SPPL3: variants seen among roughly 807,000 people sequenced by gnomAD.
SPPL3 encodes the protein signal peptide peptidase-like 3.
Under a neutral mutation model 42.4 loss-of-function variants are expected in SPPL3, and 5 were observed. The ratio of observed to expected loss-of-function variants is 0.12; its 90% CI spans 0.06 to 0.25. SPPL3 has a LOEUF of 0.25. SPPL3 is among the 10% of genes least tolerant of loss of function. SPPL3 has a pLI of 1.00. For missense variants in SPPL3, 235 were observed against 489.0 expected, an observed-to-expected ratio of 0.48 and a Z score of 4.90; for synonymous variants, 195 against 181.8, an observed-to-expected ratio of 1.07 and a Z score of -0.58.
intron 6 of SPPL3, among the ~76,000 whole-genome samples, chr12:120,782,435 G>C (rs1869575957): frequency 6.6e-6 from 1 of 152,070 alleles, no homozygotes; most frequent in Non-Finnish European, 1.5e-5. Flanking sequence ...AAAATGTCCA[G>C]AATGGAGAAA....
intron 1 of SPPL3, among the ~76,000 whole-genome samples, chr12:120,900,827 CAGG>C (rs1161223776): frequency 6.7e-6 from 1 of 149,240 alleles, no homozygotes; most frequent in African/African-American, 2.5e-5. Flanking sequence ...AGGGCTGAGG[CAGG>C]AGAATTGTCT....
chr12:120,815,419 A>G (rs1038365184), intron 1 of SPPL3, among the ~76,000 whole-genome samples: 2 of 152,244 alleles, frequency 1.3e-5, no homozygotes, highest in African/African-American at 2.4e-5. Context: ...ATTAAAGGTC[A>G]GCAGGTATTT....
chr12:120,881,906 GGA>G (rs1240294192), intron 1 of SPPL3, among the ~76,000 whole-genome samples: 7 of 152,034 alleles, frequency 4.6e-5, no homozygotes, highest in Admixed American at 4.6e-4. Flanking sequence ...CAGGGTGTGG[GGA>G]GAGAGGGGAA....
chr12:120,853,220 T>A (rs896435541), intron 1 of SPPL3, among the ~76,000 whole-genome samples: 6 of 152,140 alleles, frequency 3.9e-5, no homozygotes, highest in African/African-American at 1.4e-4. Flanking sequence ...TTTACCATCA[T>A]CTTATCTGCT....
At chr12:120,797,277 G>C (rs1397175815) in intron 2 of SPPL3, among the ~76,000 whole-genome samples, 2 of 151,794 alleles carry the variant, frequency 1.3e-5, no homozygotes, top group South Asian at 2.1e-4. Context: ...TTTGTACTCT[G>C]TTCTATTAAC....
intron 1 of SPPL3, among the ~76,000 whole-genome samples, chr12:120,861,970 T>C (rs913637399): frequency 6.6e-6 from 1 of 152,144 alleles, no homozygotes; most frequent in Non-Finnish European, 1.5e-5. Context: ...CTTGAAGGTA[T>C]TAAGATTCCA....
intron 1 of SPPL3, among the ~76,000 whole-genome samples, chr12:120,819,987 T>C (rs1347391749): frequency 2.0e-5 from 3 of 152,108 alleles, no homozygotes; most frequent in South Asian, 4.1e-4. Context: ...GTAATGTTAG[T>C]AGTACTATGA....
intron 1 of SPPL3, among the ~76,000 whole-genome samples, chr12:120,816,229 A>G (rs1461315683): frequency 4.6e-5 from 7 of 152,212 alleles, no homozygotes; most frequent in Non-Finnish European, 8.8e-5. Flanking sequence ...CCCCCACTGC[A>G]GAACTAAATG....
chr12:120,766,399 GAC>G, intron 9 of SPPL3, 27 bp from the exon 10 acceptor site: 10 of 1,543,812 alleles, frequency 6.5e-6, no homozygotes, highest in Non-Finnish European at 8.8e-6. Context: ...GCATCTGTGA[GAC>G]ACGAGAGGGA....
chr12:120,853,983 TACAC>T (rs58246859), intron 1 of SPPL3, among the ~76,000 whole-genome samples: 35,203 of 129,930 alleles, frequency 0.27, 4,974 homozygotes, highest in Non-Finnish European at 0.32. Context: ...CACGCACACA[TACAC>T]ACACACACAC....
At chr12:120,772,634 A>C (rs774080808) in intron 6 of SPPL3, among the ~76,000 whole-genome samples, 4 of 152,200 alleles carry the variant, frequency 2.6e-5, no homozygotes, top group African/African-American at 4.8e-5. Flanking sequence ...ACTGGTGGTA[A>C]ATTGTCAATA....
intron 1 of SPPL3, among the ~76,000 whole-genome samples, chr12:120,865,254 T>C (rs1872724155): frequency 6.6e-6 from 1 of 152,212 alleles, no homozygotes; most frequent in Non-Finnish European, 1.5e-5. Context: ...GTTTCATGTC[T>C]TACCATATCT....
chr12:120,813,056 A>G (rs1365569170), intron 1 of SPPL3, among the ~76,000 whole-genome samples: 1 of 152,146 alleles, frequency 6.6e-6, no homozygotes, highest in East Asian at 1.9e-4. Flanking sequence ...TGAAGACAGT[A>G]TTTTGAAAAG....
chr12:120,767,597 G>T lies in SPPL3; in HGVS notation c.774-4C>A. 1 of 1,613,938 alleles carries T rather than the reference G, an allele frequency of 6.2e-7. No individual in the cohort carries two copies. Among genetic ancestry groups the T allele is most frequent in the South Asian group, 1.1e-5 (1 of 91,050 alleles). ...GGAGAAGTGGCTGCCAGTGGAGCTG[G>T]AATGCAGTTTCACAGGTTAGTGACG... On this transcript the variant is annotated splice_polypyrimidine_tract_variant and splice_region_variant and intron_variant, in intron 8 of 10. Transcript: ENST00000353487.
In SPPL3 at chr12:120,779,820, CAAAAAAAA is replaced by C. The variant is rs1164272443; in HGVS notation, c.502+2827_502+2834del. Among the ~76,000 whole-genome samples the C allele has an allele frequency of 4.4e-3, 190 of 42,790 alleles. 1 individual carries two copies. The highest frequency in any genetic ancestry group is 9.4e-3 in the Admixed American group (26 of 2,754). 28.1% of individuals were successfully genotyped at this position (42,790 alleles called of 152,430 possible). A position where few individuals can be genotyped will look rare whatever the true frequency, so the allele number is the denominator to read the frequency against. ...CGAAACCTTGTCTCTACTAAAAATA[CAAAAAAAA>C]AAAAAAAAAAAAAAAAAAAATTAGC... On this transcript the variant is annotated intron_variant, in intron 6 of 10. Coordinates refer to ENST00000353487, the MANE Select transcript of SPPL3 (RefSeq NM_139015.5).
chr12:120,802,220 T>C (rs1870321159), intron 2 of SPPL3, among the ~76,000 whole-genome samples: 1 of 151,822 alleles, frequency 6.6e-6, no homozygotes, highest in Non-Finnish European at 1.5e-5. Context: ...GGCTTATATT[T>C]AGGTATTAGG....
intron 1 of SPPL3, among the ~76,000 whole-genome samples, chr12:120,877,754 C>A (rs536846194): frequency 6.9e-6 from 1 of 145,054 alleles, no homozygotes. Context: ...GCACTCCAGC[C>A]TGGGCAACAA....
At chr12:120,881,482 A>AAAAAGAG (rs1873281831) in intron 1 of SPPL3, among the ~76,000 whole-genome samples, 1 of 128,004 alleles carries the variant, frequency 7.8e-6, no homozygotes, top group African/African-American at 2.7e-5. Context: ...AAAAAAAAAA[A>AAAAAGAG]AAGAGAAGAG....
chr12:120,789,586 AG>A (rs1212382841), intron 3 of SPPL3, among the ~76,000 whole-genome samples: 1 of 151,832 alleles, frequency 6.6e-6, no homozygotes, highest in East Asian at 1.9e-4. Flanking sequence ...GCACTTTGGA[AG>A]GCCGAAGTGG....
Sources: gnomAD v4.1 joint callset for allele counts (sites outside exome capture counted in the v4.1 genomes callset) on GRCh38, gnomAD v4.1.1 for gene constraint, MANE v1.5 for transcripts, NCBI Gene and HGNC (gene_info 2026-07-23, HGNC 2026-07-21) for gene names.